SAMD3: variants seen among roughly 807,000 people sequenced by gnomAD.
The protein encoded by SAMD3 is sterile alpha motif domain containing 3.
Under a neutral mutation model 58.5 loss-of-function variants are expected in SAMD3, and 63 were observed. The ratio of observed to expected loss-of-function variants is 1.08; its 90% CI spans 0.88 to 1.33. The LOEUF (loss-of-function observed/expected upper bound fraction) is 1.33, where lower values mean the gene tolerates loss of function less well. Ranked by LOEUF, SAMD3 falls within the 40% of genes most tolerant of loss-of-function variation. SAMD3 has a pLI of 0.00. For synonymous variants in SAMD3, 220 were observed against 210.3 expected, an observed-to-expected ratio of 1.05 and a Z score of -0.40; for missense variants, 604 against 608.4, an observed-to-expected ratio of 0.99 and a Z score of 0.08.
chr6:130,296,532 G>T lies in SAMD3; in HGVS notation c.-188+16446C>A, dbSNP rs543507633. 3.3e-5 allele frequency among the ~76,000 whole-genome samples: 5 copies of T among 152,250 alleles called. No homozygotes were observed. In the South Asian group the frequency reaches 1.0e-3, roughly 32 times the overall value. ...CCTGCCTTCCCCGATAACTTGTTGG[G>T]GATGCAACTTCCCACCGGGGGCCAG... is the stretch of plus-strand genomic sequence containing the variant. On this transcript the variant is annotated intron_variant, in intron 2 of 13. Coordinates refer to the SAMD3 transcript ENST00000368134.
Position 130,208,981 on chromosome 6 carries a change from T to C in SAMD3, c.383+514A>G, listed in dbSNP as rs147861466. On this transcript the variant is annotated intron_variant, in intron 5 of 11. Coordinates refer to ENST00000439090, the MANE Select transcript of SAMD3 (RefSeq NM_001017373.4). ...GTTCTCTAAGTCTACAGTTTTTCCTTTGTTTAGTTGTAATCCATATATTGA... is the reference window on the plus strand; with the variant it reads ...GTTCTCTAAGTCTACAGTTTTTCCTCTGTTTAGTTGTAATCCATATATTGA... 1.6e-3 allele frequency among the ~76,000 whole-genome samples: 242 copies of C among 152,356 alleles called. 1 individual carries two copies. The highest frequency in any genetic ancestry group is 5.5e-3 in the African/African-American group (229 of 41,584).
At chr6:130,188,339 G>A (rs1273941648) in intron 5 of SAMD3, among the ~76,000 whole-genome samples, 5 of 152,206 alleles carry the variant, frequency 3.3e-5, no homozygotes, top group Admixed American at 2.0e-4. Flanking sequence ...AAACACAGAT[G>A]TTACATGAGG....
Position 130,198,537 on chromosome 6 carries a change from T to C in SAMD3, c.383+10958A>G, listed in dbSNP as rs544080807. Among the ~76,000 whole-genome samples the C allele has an allele frequency of 2.0e-5, 3 of 152,288 alleles. No homozygotes were observed. In the East Asian group the frequency reaches 5.8e-4, roughly 29 times the overall value. On this transcript the variant is annotated intron_variant, in intron 5 of 11. Coordinates refer to ENST00000439090, the MANE Select transcript of SAMD3 (RefSeq NM_001017373.4). ...ATTTGTGTTTTCAGACATAAAATTG[T>C]CACCTTTCAAAAAGGAGCTCTCTGT...
At chr6:130,288,237 G>C (rs1199497269) in intron 2 of SAMD3, among the ~76,000 whole-genome samples, 1 of 152,098 alleles carries the variant, frequency 6.6e-6, no homozygotes, top group African/African-American at 2.4e-5. Flanking sequence ...CATATTGTGG[G>C]GGCTGGCAAG....
intron 4 of SAMD3, among the ~76,000 whole-genome samples, chr6:130,213,343 A>G (rs1795736741): frequency 6.6e-6 from 1 of 151,906 alleles, no homozygotes; most frequent in Non-Finnish European, 1.5e-5. Flanking sequence ...ATCAATTAGT[A>G]GAATTTCCAT....
intron 8 of SAMD3, among the ~76,000 whole-genome samples, chr6:130,163,841 A>T (rs1043413403): frequency 7.2e-5 from 11 of 152,194 alleles, no homozygotes; most frequent in Admixed American, 1.3e-4. Flanking sequence ...GTGCAACTTT[A>T]ATTCTATTTT....
At chr6:130,302,519 A>C (rs1176103185) in intron 2 of SAMD3, among the ~76,000 whole-genome samples, 2 of 152,218 alleles carry the variant, frequency 1.3e-5, no homozygotes, top group Admixed American at 6.5e-5. Flanking sequence ...AACAGTATTG[A>C]GATTTCTCAA....
chr6:130,306,633 C>G (rs1775920426), intron 2 of SAMD3, among the ~76,000 whole-genome samples: 1 of 152,188 alleles, frequency 6.6e-6, no homozygotes. Flanking sequence ...CAGGAACAAA[C>G]AGGAAGCCAG....
chr6:130,290,526 C>A (rs936128257), intron 2 of SAMD3, among the ~76,000 whole-genome samples: 4 of 152,192 alleles, frequency 2.6e-5, no homozygotes, highest in African/African-American at 4.8e-5. Flanking sequence ...ATATACTAAA[C>A]AACTGGGGTA....
At chr6:130,334,224 T>C (rs890497125) in intron 1 of SAMD3, among the ~76,000 whole-genome samples, 2 of 152,098 alleles carry the variant, frequency 1.3e-5, no homozygotes, top group Non-Finnish European at 2.9e-5. Context: ...TTGCTTGAAA[T>C]TGGTGGTGGG....
chr6:130,187,753 T>A (rs1230521251), intron 5 of SAMD3, among the ~76,000 whole-genome samples: 2 of 152,150 alleles, frequency 1.3e-5, no homozygotes, highest in Non-Finnish European at 2.9e-5. Context: ...CAGCCAAAAG[T>A]AAGGGCAGGG....
intron 2 of SAMD3, among the ~76,000 whole-genome samples, chr6:130,239,047 T>C (rs571654902): frequency 1.3e-5 from 2 of 152,064 alleles, no homozygotes; most frequent in African/African-American, 4.8e-5. Context: ...GCGTGAGCCA[T>C]CATCCCTGGC....
At chr6:130,334,774 A>T (rs1326898976) in intron 1 of SAMD3, among the ~76,000 whole-genome samples, 1 of 152,232 alleles carries the variant, frequency 6.6e-6, no homozygotes, top group Non-Finnish European at 1.5e-5. Flanking sequence ...TGTGTGGCAG[A>T]TCCAGAATGA....
At chr6:130,166,063 C>T (rs1790712196) in intron 8 of SAMD3, among the ~76,000 whole-genome samples, 1 of 152,188 alleles carries the variant, frequency 6.6e-6, no homozygotes, top group Non-Finnish European at 1.5e-5. Context: ...CTAGCCAGAG[C>T]TTGTCCTGGT....
chr6:130,337,470 T>G (rs926585859), intron 1 of SAMD3, among the ~76,000 whole-genome samples: 1 of 152,188 alleles, frequency 6.6e-6, no homozygotes, highest in Non-Finnish European at 1.5e-5. Flanking sequence ...TGGACTACTA[T>G]AGTAAATTGG....
intron 2 of SAMD3, among the ~76,000 whole-genome samples, chr6:130,308,145 G>A (rs1005586414): frequency 5.9e-5 from 9 of 152,126 alleles, no homozygotes; most frequent in Middle Eastern, 3.4e-3. Context: ...TACTTTATTT[G>A]TTTGGGTTTG....
At chr6:130,305,279 A>T (rs575934134) in intron 2 of SAMD3, among the ~76,000 whole-genome samples, 1 of 152,304 alleles carries the variant, frequency 6.6e-6, no homozygotes, top group East Asian at 1.9e-4. Context: ...TTCTAGCAAC[A>T]CTGCTAAACT....
At chr6:130,290,311 G>A (rs531521819) in intron 2 of SAMD3, among the ~76,000 whole-genome samples, 24 of 152,072 alleles carry the variant, frequency 1.6e-4, no homozygotes, top group South Asian at 6.2e-4. Context: ...CACACTTGCC[G>A]GCTGGAAATT....
chr6:130,232,609 C>T (rs1000424), intron 2 of SAMD3, among the ~76,000 whole-genome samples: 74,884 of 152,008 alleles, frequency 0.49, 22,577 homozygotes, highest in African/African-American at 0.85. Flanking sequence ...AAAATAAGGT[C>T]TACATGTTGG....
Sources: allele counts gnomAD v4.1 joint callset (sites outside exome capture counted in the v4.1 genomes callset), GRCh38; gene constraint gnomAD v4.1.1; transcripts MANE v1.5; gene names NCBI Gene and HGNC (gene_info 2026-07-23, HGNC 2026-07-21).